PPP2R2B: variants seen among roughly 807,000 people sequenced by gnomAD.
The protein encoded by PPP2R2B is serine/threonine-protein phosphatase 2A 55 kDa regulatory subunit B beta isoform.
A neutral mutation model predicts 46.0 loss-of-function variants in PPP2R2B; 5 were observed. The observed-to-expected ratio is 0.11, with a 90% CI of 0.06 to 0.23. PPP2R2B has a LOEUF of 0.23. Among genes scored for constraint, PPP2R2B ranks in the 10% least tolerant of loss-of-function variants. PPP2R2B has a pLI of 1.00. For missense variants in PPP2R2B, 367 were observed against 575.0 expected (o/e 0.64, Z 3.70); for synonymous variants, 215 against 206.7 (o/e 1.04, Z -0.34).
At chr5:146,781,960 A>G (rs531534136) in intron 2 of PPP2R2B, among the ~76,000 whole-genome samples, 1 of 152,270 alleles carries the variant, frequency 6.6e-6, no homozygotes, top group East Asian at 1.9e-4. Context: ...TCATGGGGGC[A>G]GTTTCTGTTG....
chr5:146,880,100 A>ATGACATCTTCCTCATCTCCAGAAAT (rs1762114009), upstream of PPP2R2B, among the ~76,000 whole-genome samples: 1 of 152,136 alleles, frequency 6.6e-6, no homozygotes, highest in Non-Finnish European at 1.5e-5. Flanking sequence ...TAGATAGAAA[A>ATGACATCTTCCTCATCTCCAGAAAT]TGACATCTTC....
At chr5:147,012,325 G>T (rs892409672) in intron 1 of PPP2R2B, among the ~76,000 whole-genome samples, 3 of 152,154 alleles carry the variant, frequency 2.0e-5, no homozygotes, top group African/African-American at 7.2e-5. Context: ...ATGTGTTGAG[G>T]AATTTATCCA....
intron 1 of PPP2R2B, among the ~76,000 whole-genome samples, chr5:146,998,252 T>C (rs1458956358): frequency 6.6e-6 from 1 of 152,210 alleles, no homozygotes; most frequent in Non-Finnish European, 1.5e-5. Context: ...GTAAACCTCA[T>C]CTAAAAAAGT....
At chr5:146,842,480 CCTTT>C (rs1323600650) in intron 2 of PPP2R2B, among the ~76,000 whole-genome samples, 1 of 135,142 alleles carries the variant, frequency 7.4e-6, no homozygotes, top group Non-Finnish European at 1.5e-5. Flanking sequence ...ACCTCCATGC[CCTTT>C]TTTTTTTTTT....
At chr5:146,704,838 G>A (rs373853473) in intron 2 of PPP2R2B, among the ~76,000 whole-genome samples, 8 of 152,146 alleles carry the variant, frequency 5.3e-5, no homozygotes, top group Non-Finnish European at 8.8e-5. Flanking sequence ...ACAATGATAC[G>A]CATGTGAGGC....
intron 2 of PPP2R2B, among the ~76,000 whole-genome samples, chr5:146,858,321 C>T (rs933154509): frequency 5.3e-4 from 81 of 152,176 alleles, no homozygotes; most frequent in African/African-American, 1.9e-3. Flanking sequence ...ATACTTATGA[C>T]CACTTAAGTC....
intron 8 of PPP2R2B, among the ~76,000 whole-genome samples, chr5:146,595,051 A>G (rs959465784): frequency 2.6e-5 from 4 of 152,220 alleles, no homozygotes; most frequent in African/African-American, 9.6e-5. Flanking sequence ...GCTCTGAGTT[A>G]TTTGGACAGA....
intron 4 of PPP2R2B, among the ~76,000 whole-genome samples, chr5:146,693,360 A>T (rs1778992380): frequency 6.6e-6 from 1 of 152,038 alleles, no homozygotes; most frequent in Non-Finnish European, 1.5e-5. Context: ...GACCATAGTC[A>T]CATGCCACCA....
At chr5:146,832,827 G>A (rs1408600147) in intron 2 of PPP2R2B, among the ~76,000 whole-genome samples, 2 of 151,994 alleles carry the variant, frequency 1.3e-5, no homozygotes, top group Admixed American at 6.6e-5. Context: ...AGGAGCAATA[G>A]CCTATACCAT....
chr5:147,080,124 A>G (rs943709655), intron 2 of PPP2R2B, among the ~76,000 whole-genome samples: 1 of 152,304 alleles, frequency 6.6e-6, no homozygotes, highest in Admixed American at 6.5e-5. Context: ...GCCTCTTTCA[A>G]ATTCCTCAGA....
chr5:146,702,737 T>G (rs558614754), intron 2 of PPP2R2B, among the ~76,000 whole-genome samples: 1 of 152,346 alleles, frequency 6.6e-6, no homozygotes, highest in Admixed American at 6.5e-5. Flanking sequence ...GAATGTGGTT[T>G]GTGGGTTATC....
intron 2 of PPP2R2B, among the ~76,000 whole-genome samples, chr5:146,753,438 C>T (rs932739714): frequency 2.2e-4 from 33 of 152,120 alleles, no homozygotes; most frequent in Non-Finnish European, 7.4e-5. Flanking sequence ...GCCTTGGTGA[C>T]ACACCATTTT....
intron 1 of PPP2R2B, among the ~76,000 whole-genome samples, chr5:146,986,563 T>C (rs1753437511): frequency 6.6e-6 from 1 of 152,112 alleles, no homozygotes; most frequent in Non-Finnish European, 1.5e-5. Flanking sequence ...TTATCAAAGA[T>C]ATTGAAGTAT....
At chr5:146,743,076 A>C (rs1229563291) in intron 2 of PPP2R2B, among the ~76,000 whole-genome samples, 1 of 152,164 alleles carries the variant, frequency 6.6e-6, no homozygotes. Context: ...TACACCACCC[A>C]CTTTGTGGTA....
intron 1 of PPP2R2B, among the ~76,000 whole-genome samples, chr5:146,971,255 C>T (rs1444528493): frequency 6.6e-6 from 1 of 152,156 alleles, no homozygotes; most frequent in African/African-American, 2.4e-5. Flanking sequence ...CTTTCCCTCT[C>T]GGCATATTCC....
chr5:146,876,176 C>A (rs1761887191), intron 2 of PPP2R2B, among the ~76,000 whole-genome samples: 1 of 152,130 alleles, frequency 6.6e-6, no homozygotes, highest in African/African-American at 2.4e-5. Context: ...AAACTCATAT[C>A]TATTTTTGAC....
intron 1 of PPP2R2B, chr5:146,917,775 T>C (rs1373871581): frequency 1.3e-5 from 2 of 152,196 alleles, no homozygotes; most frequent in Non-Finnish European, 2.9e-5. Flanking sequence ...GGTGAAGCAA[T>C]GTGAGCAGTC....
intron 1 of PPP2R2B, among the ~76,000 whole-genome samples, chr5:146,939,940 T>A (rs1764268480): frequency 6.6e-6 from 1 of 152,208 alleles, no homozygotes; most frequent in Non-Finnish European, 1.5e-5. Flanking sequence ...TTGTCATTGC[T>A]TTTTGTCAGC....
At chr5:146,689,929 T>C (rs1416364678) in intron 5 of PPP2R2B, among the ~76,000 whole-genome samples, 2 of 152,218 alleles carry the variant, frequency 1.3e-5, no homozygotes, top group Non-Finnish European at 2.9e-5. Flanking sequence ...AAACACCTAA[T>C]AGTCTAGCAT....
Sources: gnomAD v4.1 joint callset for allele counts (sites outside exome capture counted in the v4.1 genomes callset) on GRCh38, gnomAD v4.1.1 for gene constraint, MANE v1.5 for transcripts, NCBI Gene and HGNC (gene_info 2026-07-23, HGNC 2026-07-21) for gene names.